The following PPHLN1 variants were observed in gnomAD, a reference collection of about 807,000 sequenced individuals.
The protein encoded by PPHLN1 is periphilin 1.
PPHLN1 carries 29 observed loss-of-function variants against 51.3 expected under a neutral mutation model. That is an observed-to-expected ratio of 0.57 (90% confidence interval 0.42 to 0.77). The LOEUF (loss-of-function observed/expected upper bound fraction) is 0.77, where lower values mean the gene tolerates loss of function less well. PPHLN1 is among the 30% of genes least tolerant of loss of function. The pLI, the probability that PPHLN1 is intolerant of heterozygous loss-of-function variation, is 0.00. For synonymous variants in PPHLN1, 147 were observed against 147.8 expected (o/e 0.99, Z 0.04); for missense variants, 436 against 438.4 (o/e 0.99, Z 0.05).
intron 5 of PPHLN1, among the ~76,000 whole-genome samples, chr12:42,380,609 G>T (rs983432045): frequency 3.3e-5 from 5 of 152,008 alleles, no homozygotes; most frequent in Admixed American, 6.6e-5. Flanking sequence ...TGAATTTTTT[G>T]ATTATAGCTG....
intron 2 of PPHLN1, chr12:42,344,036 G>A (rs60846704): frequency 0.15 from 45,532 of 299,174 alleles, 3,643 homozygotes; most frequent in Admixed American, 0.2. Flanking sequence ...TTAGTTAGGT[G>A]TGGTTTGTAT....
At chr12:42,358,147 G>A (rs1324631454) in intron 4 of PPHLN1, among the ~76,000 whole-genome samples, 1 of 152,026 alleles carries the variant, frequency 6.6e-6, no homozygotes, top group East Asian at 1.9e-4. Context: ...CATTTAGGTT[G>A]ATTCTATATC....
chr12:42,431,860 G>A lies in PPHLN1; in HGVS notation c.910-9455G>A. The stretch of plus-strand genomic sequence containing the variant: ...GCCTAGCCCATTTTCAATAACTGAA[G>A]CTGTATCAGATTCAGTCATTCCATC... On this transcript the variant is annotated intron_variant, in intron 9 of 9. Transcript: ENST00000358314. 1.9e-6 allele frequency: 3 copies of A among 1,575,962 alleles called. No homozygotes were observed. In the South Asian group the frequency reaches 3.3e-5, roughly 17 times the overall value.
rs1465030296 is a variant in PPHLN1, at chr12:42,374,949, T to C, written c.386T>C (p.Phe129Ser). 6.2e-7 allele frequency: 1 copy of C among 1,614,058 alleles called. No individual in the cohort carries two copies. The highest frequency in any genetic ancestry group is 8.5e-7 in the Non-Finnish European group (1 of 1,179,958). ...ERSPYKRDNT[F>S]FRESPVGRKD... ...TCTCCTTATAAAAGGGACAATACTT[T>C]TTTCAGAGAATCACCTGTTGGCCGA... The change falls in exon 5 of 10, where the codon TTT (phenylalanine) becomes TCT (serine). Residue 129 changes from phenylalanine (F) to serine (S), a missense_variant. Transcript: ENST00000358314.
chr12:42,427,900 A>G (rs752165906), intron 9 of PPHLN1, among the ~76,000 whole-genome samples: 1 of 152,230 alleles, frequency 6.6e-6, no homozygotes, highest in African/African-American at 2.4e-5. Flanking sequence ...AACGAACTCA[A>G]TCAAATCAGC....
intron 1 of PPHLN1, among the ~76,000 whole-genome samples, chr12:42,335,537 A>G (rs1207508131): frequency 6.6e-6 from 1 of 152,118 alleles, no homozygotes; most frequent in African/African-American, 2.4e-5. Context: ...CGATTCATTA[A>G]AAAATGAATC....
intron 9 of PPHLN1, among the ~76,000 whole-genome samples, chr12:42,418,728 G>T (rs930541663): frequency 6.6e-5 from 10 of 151,932 alleles, no homozygotes; most frequent in African/African-American, 1.7e-4. Flanking sequence ...CTCCATCATT[G>T]AACCTACTTT....
chr12:42,330,976 T>C (rs1179524032), intron 1 of PPHLN1, among the ~76,000 whole-genome samples: 1 of 152,250 alleles, frequency 6.6e-6, no homozygotes, highest in African/African-American at 2.4e-5. Context: ...CCCAAAGTGC[T>C]GGGATTACAG....
intron 9 of PPHLN1, among the ~76,000 whole-genome samples, chr12:42,414,195 C>T (rs1032586536): frequency 1.5e-4 from 23 of 152,006 alleles, no homozygotes; most frequent in Admixed American, 6.5e-4. Context: ...CCACCATGCC[C>T]GGCTTATTTT....
intron 9 of PPHLN1, among the ~76,000 whole-genome samples, chr12:42,406,055 A>G (rs1232613675): frequency 1.3e-5 from 2 of 151,462 alleles, no homozygotes; most frequent in East Asian, 3.9e-4. Flanking sequence ...GGTAACTACT[A>G]AATTGATTCT....
chr12:42,438,245 G>A (rs985312262), intron 9 of PPHLN1, among the ~76,000 whole-genome samples: 1 of 152,072 alleles, frequency 6.6e-6, no homozygotes, highest in Admixed American at 6.6e-5. Flanking sequence ...AGAAACTGCT[G>A]GACTGTCTAC....
At chr12:42,442,848 G>A (rs1003547102), downstream of PPHLN1, 13 of 1,526,448 alleles carry the variant, frequency 8.5e-6, no homozygotes, top group African/African-American at 1.7e-4. Context: ...GTATATAAAA[G>A]TATTGAAACA....
intron 2 of PPHLN1, among the ~76,000 whole-genome samples, chr12:42,350,655 T>C (rs1201522143): frequency 2.0e-5 from 3 of 152,116 alleles, no homozygotes; most frequent in African/African-American, 7.2e-5. Flanking sequence ...ATCACGCCAC[T>C]GCACTCCAGC....
intron 9 of PPHLN1, among the ~76,000 whole-genome samples, chr12:42,418,558 C>G (rs1565991460): frequency 6.6e-6 from 1 of 152,186 alleles, no homozygotes; most frequent in East Asian, 1.9e-4. Flanking sequence ...GCTCACTGTT[C>G]TGCAGTCATA....
intron 6 of PPHLN1, chr12:42,387,160 T>G (rs1306561869): frequency 5.2e-6 from 1 of 194,062 alleles, no homozygotes; most frequent in African/African-American, 2.3e-5. Flanking sequence ...CATTCATGGT[T>G]TTAAAATATG....
At chr12:42,414,831 T>G (rs1191761412) in intron 9 of PPHLN1, among the ~76,000 whole-genome samples, 1 of 152,250 alleles carries the variant, frequency 6.6e-6, no homozygotes, top group Admixed American at 6.5e-5. Context: ...GTTAGTTATA[T>G]TCTTCATTTC....
intron 8 of PPHLN1, among the ~76,000 whole-genome samples, chr12:42,397,665 T>C (rs1452908694): frequency 6.6e-6 from 1 of 152,204 alleles, no homozygotes; most frequent in Non-Finnish European, 1.5e-5. Context: ...GGAATTCTTT[T>C]CTTAAATGAT....
chr12:42,425,246 ATTTTTTTT>A (rs34484756), intron 9 of PPHLN1, among the ~76,000 whole-genome samples: 26 of 124,830 alleles, frequency 2.1e-4, no homozygotes, highest in African/African-American at 7.7e-4. Context: ...TGCCTGGCTA[ATTTTTTTT>A]TTTTTTTTTT....
intron 4 of PPHLN1, among the ~76,000 whole-genome samples, chr12:42,356,641 T>C (rs762641883): frequency 6.6e-6 from 1 of 152,150 alleles, no homozygotes; most frequent in African/African-American, 2.4e-5. Context: ...AGCAATAGAA[T>C]AGATGCCGAA....
Sources: allele counts gnomAD v4.1 joint callset (sites outside exome capture counted in the v4.1 genomes callset), GRCh38; gene constraint gnomAD v4.1.1; transcripts MANE v1.5; gene names NCBI Gene and HGNC (gene_info 2026-07-23, HGNC 2026-07-21).